GPHN: variants seen among roughly 807,000 people sequenced by gnomAD.
GPHN encodes the protein gephyrin.
In GPHN, 17 loss-of-function variants were observed where a neutral mutation model predicts 95.5. The observed-to-expected ratio is 0.18, with a 90% CI of 0.12 to 0.27. The LOEUF is 0.27. Ranked by LOEUF, GPHN falls within the 10% of genes least tolerant of loss-of-function variation. The probability of loss-of-function intolerance (pLI) is 1.00; values close to 1 mark genes in which losing one functional copy is unlikely to be tolerated. For synonymous variants in GPHN, 320 were observed against 322.5 expected, an observed-to-expected ratio of 0.99 and a Z score of 0.08; for missense variants, 660 against 978.1, an observed-to-expected ratio of 0.67 and a Z score of 4.34.
the GPHN span, among the ~76,000 whole-genome samples, chr14:67,641,660 G>C: frequency 1.1e-4 from 16 of 152,096 alleles, no homozygotes; most frequent in Non-Finnish European, 1.5e-5. Flanking sequence ...GAATTTCTTG[G>C]CCAGGCAGGT....
the GPHN span, among the ~76,000 whole-genome samples, chr14:67,604,251 A>G: frequency 6.6e-6 from 1 of 152,242 alleles, no homozygotes; most frequent in African/African-American, 2.4e-5. Flanking sequence ...ATTGAGGTAT[A>G]TCCTCCAAGC....
At chr14:66,606,558 C>T (rs1460379339) in intron 1 of GPHN, among the ~76,000 whole-genome samples, 1 of 152,118 alleles carries the variant, frequency 6.6e-6, no homozygotes, top group Non-Finnish European at 1.5e-5. Flanking sequence ...TTATAAATTG[C>T]TTTGACCAGT....
At chr14:67,690,588 A>T in the GPHN span, 1 of 617,458 alleles carries the variant, frequency 1.6e-6, no homozygotes. Context: ...TTAGGGAAAT[A>T]ACAACAGCCA....
At chr14:67,612,931 ACT>A in the GPHN span, among the ~76,000 whole-genome samples, 1 of 136,824 alleles carries the variant, frequency 7.3e-6, no homozygotes, top group East Asian at 2.1e-4. Context: ...ACTGAGGGAG[ACT>A]CTGTCTCAAA....
intron 1 of GPHN, among the ~76,000 whole-genome samples, chr14:66,619,544 G>A (rs118105313): frequency 0.012 from 1,833 of 148,920 alleles, 23 homozygotes; most frequent in Non-Finnish European, 0.018. Context: ...CTATTCAAAC[G>A]TTTTATCCTT....
At chr14:66,532,626 A>C (rs888358072) in intron 1 of GPHN, among the ~76,000 whole-genome samples, 1 of 152,180 alleles carries the variant, frequency 6.6e-6, no homozygotes, top group African/African-American at 2.4e-5. Flanking sequence ...TGACAACTCA[A>C]ATTGAACTAG....
At chr14:67,343,323 TG>T in the GPHN span, 1 of 1,408,840 alleles carries the variant, frequency 7.1e-7, no homozygotes, top group Non-Finnish European at 9.9e-7. Flanking sequence ...TCACGACAAG[TG>T]GAGGGTATGG....
intron 2 of GPHN, among the ~76,000 whole-genome samples, chr14:66,739,304 C>T (rs2072583323): frequency 1.3e-5 from 2 of 150,020 alleles, no homozygotes; most frequent in South Asian, 4.2e-4. Context: ...GCAAGCTCTG[C>T]CTCCCAGGTT....
the GPHN span, chr14:67,727,476 G>GT: frequency 1.1e-4 from 33 of 301,722 alleles, no homozygotes; most frequent in African/African-American, 1.8e-4. Flanking sequence ...GAGGCTTTTT[G>GT]TTTTTTTTGT....
the GPHN span, chr14:67,345,690 T>C: frequency 1.1e-6 from 1 of 916,108 alleles, no homozygotes; most frequent in Non-Finnish European, 1.8e-6. Flanking sequence ...CAGTATATGC[T>C]GACTCAAGAC....
At chr14:67,694,295 C>T in the GPHN span, among the ~76,000 whole-genome samples, 1 of 152,022 alleles carries the variant, frequency 6.6e-6, no homozygotes, top group South Asian at 2.1e-4. Context: ...GTATGTAGCT[C>T]CAGGAGTGAC....
chr14:67,352,888 A>G, the GPHN span: 4 of 1,444,892 alleles, frequency 2.8e-6, no homozygotes, highest in Non-Finnish European at 3.8e-6. Context: ...GGATTTTTCT[A>G]AAATAAATAC....
chr14:67,674,294 G>A, the GPHN span: 4 of 1,328,494 alleles, frequency 3.0e-6, no homozygotes, highest in African/African-American at 4.5e-5. Flanking sequence ...GCGGGCCCGG[G>A]TCTGGGAGGA....
At chr14:66,743,745 AAAC>A (rs762075047) in intron 2 of GPHN, among the ~76,000 whole-genome samples, 50 of 152,276 alleles carry the variant, frequency 3.3e-4, no homozygotes, top group South Asian at 1.0e-3. Flanking sequence ...CCATCTCAAA[AAAC>A]AACAACAACA....
the GPHN span, among the ~76,000 whole-genome samples, chr14:67,617,720 G>A: frequency 6.6e-6 from 1 of 152,010 alleles, no homozygotes; most frequent in Non-Finnish European, 1.5e-5. Flanking sequence ...GTTTTTTGTT[G>A]TTTGTTTGTT....
chr14:67,246,878 C>G, the GPHN span, among the ~76,000 whole-genome samples: 1 of 152,100 alleles, frequency 6.6e-6, no homozygotes, highest in Admixed American at 6.6e-5. Flanking sequence ...TCTTGATCTC[C>G]TGACCTCGTG....
At chr14:67,404,852 T>C in the GPHN span, among the ~76,000 whole-genome samples, 1 of 152,058 alleles carries the variant, frequency 6.6e-6, no homozygotes, top group Non-Finnish European at 1.5e-5. Context: ...AATACTTATG[T>C]ATTTCTTGTA....
At chr14:66,764,488 A>G (rs1000039190) in intron 2 of GPHN, among the ~76,000 whole-genome samples, 1 of 152,132 alleles carries the variant, frequency 6.6e-6, no homozygotes, top group Non-Finnish European at 1.5e-5. Context: ...TGCAAGATGA[A>G]TTAAGAAAAC....
chr14:66,903,826 G>A (rs149669385), intron 5 of GPHN, among the ~76,000 whole-genome samples: 197 of 151,840 alleles, frequency 1.3e-3, no homozygotes, highest in African/African-American at 4.5e-3. Context: ...TTGCATTGTG[G>A]TTACCATGAC....
Sources: gnomAD v4.1 joint callset for allele counts (sites outside exome capture counted in the v4.1 genomes callset) on GRCh38, gnomAD v4.1.1 for gene constraint, MANE v1.5 for transcripts, NCBI Gene and HGNC (gene_info 2026-07-23, HGNC 2026-07-21) for gene names.